SPG11: variants seen among roughly 807,000 people sequenced by gnomAD.
SPG11 encodes spatacsin.
A neutral mutation model predicts 274.0 loss-of-function variants in SPG11; 222 were observed. The ratio of observed to expected loss-of-function variants is 0.81; its 90% confidence interval spans 0.73 to 0.91. The LOEUF is 0.91. Ranked by LOEUF, SPG11 falls within the 40% of genes least tolerant of loss-of-function variation. The pLI, the probability that SPG11 is intolerant of heterozygous loss-of-function variation, is 0.00. For missense variants in SPG11, 3,114 were observed against 2,872.7 expected (o/e 1.08, Z -1.92); for synonymous variants, 1,144 against 1,039.7 (o/e 1.10, Z -1.93).
intron 28 of SPG11, among the ~76,000 whole-genome samples, chr15:44,587,120 G>C (rs1444355014): frequency 6.6e-6 from 1 of 152,164 alleles, no homozygotes; most frequent in Non-Finnish European, 1.5e-5. Context: ...GATCGCTTGA[G>C]GCCAGGAGTT....
intron 32 of SPG11, 50 bp downstream of exon 32, chr15:44,573,490 CACTGGGA>C: frequency 6.3e-7 from 1 of 1,582,644 alleles, no homozygotes; most frequent in Non-Finnish European, 8.7e-7. Context: ...AAATCCTTAA[CACTGGGA>C]ACTAGAGAAT....
chr15:44,652,084 T>C (rs2084798946), intron 5 of SPG11, 45 bp downstream of exon 5: 8 of 1,611,558 alleles, frequency 5.0e-6, no homozygotes, highest in Non-Finnish European at 6.8e-6. Flanking sequence ...GTCAGCATGA[T>C]AAAAAATAAG....
At position 44,660,475 on chromosome 15, in the gene SPG11, A is replaced by G. The variant is rs2141129858; in HGVS notation, c.399T>C (p.Cys133=). 1 of 1,614,116 alleles carries G rather than the reference A, an allele frequency of 6.2e-7. No homozygotes were observed. Among genetic ancestry groups the G allele is most frequent in the Non-Finnish European group, 8.5e-7 (1 of 1,179,980 alleles). Residue 133 remains cysteine (C), a synonymous_variant, in exon 2 of 40, where the codon TGT becomes TGC. Transcript: ENST00000261866. ...GRCDATILYS[C]SREALQKLID... is the part of the protein sequence containing the mutation. ...TGAGCTTTTGCAATGCCTCCCTACT[A>G]CAGCTATACAAAATGGTTGCATCAC...
chr15:44,611,576 A>T (rs1270197170), intron 17 of SPG11, among the ~76,000 whole-genome samples: 1 of 152,184 alleles, frequency 6.6e-6, no homozygotes, highest in Admixed American at 6.5e-5. Flanking sequence ...CTACAGCAAG[A>T]ACCTTAAACA....
intron 13 of SPG11, 40 bp downstream of exon 13, chr15:44,622,180 C>A: frequency 1.9e-6 from 3 of 1,588,660 alleles, no homozygotes; most frequent in South Asian, 1.1e-5. Context: ...TACTATCTAA[C>A]GGTATTCTAA....
Position 44,569,429 on chromosome 15 carries a change from A to T in SPG11, c.6554T>A (p.Phe2185Tyr). 6 of 1,606,580 alleles carry T rather than the reference A, an allele frequency of 3.7e-6. No individual in the cohort carries two copies. The highest frequency in any genetic ancestry group is 5.1e-6 in the Non-Finnish European group (6 of 1,175,878). ...CAACTTCTTCCTCATTAGCACTTCA[A>T]AGTAGTGCTTTTTATGCAGCAAATC... ...IFDLLHKKHY[F>Y]EVLMRKKLDP... The change falls in exon 35 of 40, where the codon TTT becomes TAT. Residue 2185 changes from phenylalanine (F) to tyrosine (Y), a missense_variant. Phe to Tyr is a conservative substitution (Grantham distance 22, BLOSUM62 3). Transcript: ENST00000261866.
intron 30 of SPG11, among the ~76,000 whole-genome samples, chr15:44,582,166 G>A (rs984858623): frequency 6.6e-6 from 1 of 152,128 alleles, no homozygotes; most frequent in Non-Finnish European, 1.5e-5. Context: ...AATAACACCA[G>A]TTCTACACAA....
Position 44,626,350 on chromosome 15 carries a change from G to C in SPG11, c.2225C>G (p.Ser742Cys). The change falls in exon 11 of 40, where the codon TCT (serine) becomes TGT (cysteine). Residue 742 changes from serine to cysteine, a missense_variant. Physicochemically the swap from Ser to Cys is moderately radical, Grantham distance 112. Transcript: ENST00000261866. ...ACTCACCATATTCTTCAAAAGTTCA[G>C]AGGCTTCCTTTATATTGTTCTTTTT... Reference protein sequence around the residue: ...NLKKNNIKEASELLKNMGFDV... With the variant: ...NLKKNNIKEACELLKNMGFDV... 1 of 1,612,464 alleles carries C rather than the reference G, an allele frequency of 6.2e-7. No individual in the cohort carries two copies. The highest frequency in any genetic ancestry group is 8.5e-7 in the Non-Finnish European group (1 of 1,179,706).
intron 39 of SPG11, 37 bp from the exon 40 acceptor site, chr15:44,563,338 GTT>G (rs769091254): frequency 1.3e-6 from 2 of 1,586,646 alleles, no homozygotes; most frequent in Non-Finnish European, 1.7e-6. Context: ...TTAAGATACT[GTT>G]TTTTGTTTTG....
At chr15:44,610,770 T>C (rs2083439437) in intron 18 of SPG11, 70 bp downstream of exon 18, 2 of 1,358,024 alleles carry the variant, frequency 1.5e-6, no homozygotes, top group Non-Finnish European at 2.1e-6. Context: ...AGCTGAGATC[T>C]AGACAATCCA....
At chr15:44,606,371 T>C (rs983404148) in intron 19 of SPG11, among the ~76,000 whole-genome samples, 1 of 152,092 alleles carries the variant, frequency 6.6e-6, no homozygotes, top group African/African-American at 2.4e-5. Context: ...AGAGGGAGCA[T>C]CAACTATAAA....
Position 44,574,897 on chromosome 15 carries a change from C to T in SPG11, c.6006+5G>A, listed in dbSNP as rs1055533623. 5 of 1,613,716 alleles carry T rather than the reference C, an allele frequency of 3.1e-6. No homozygotes were observed. The highest frequency in any genetic ancestry group is 1.3e-5 in the African/African-American group (1 of 74,936). On this transcript the variant is annotated splice_donor_5th_base_variant and intron_variant, in intron 31 of 39. Coordinates refer to ENST00000261866, the MANE Select transcript of SPG11 (RefSeq NM_025137.4). ...GAAAGAGGAGCCCCACCCCTTGGCA[C>T]ATACCTTGGCAAGATCATACAGACA...
chr15:44,581,620 G>C (rs1202659019), intron 30 of SPG11, among the ~76,000 whole-genome samples: 1 of 151,206 alleles, frequency 6.6e-6, no homozygotes, highest in Non-Finnish European at 1.5e-5. Flanking sequence ...AAGGCTGGGC[G>C]TGGTGGCTCA....
chr15:44,628,476 C>T (rs987851828), intron 10 of SPG11, among the ~76,000 whole-genome samples, 193 bp downstream of exon 10: 2 of 152,088 alleles, frequency 1.3e-5, no homozygotes, highest in Non-Finnish European at 2.9e-5. Flanking sequence ...ACCCTTATAG[C>T]GAATTAAATA....
At chr15:44,595,971 C>G (rs1242365072) in intron 25 of SPG11, 112 bp downstream of exon 25, 2 of 1,410,782 alleles carry the variant, frequency 1.4e-6, no homozygotes, top group East Asian at 4.7e-5. Context: ...GAAACACATG[C>G]TGGAACCTCA....
chr15:44,635,754 T>C (rs1230527733), intron 7 of SPG11, among the ~76,000 whole-genome samples: 1 of 147,226 alleles, frequency 6.8e-6, no homozygotes, highest in Non-Finnish European at 1.5e-5. Flanking sequence ...CTGTCTTTAC[T>C]AAAAATACAA....
chr15:44,652,858 T>C (rs775283086), intron 4 of SPG11, among the ~76,000 whole-genome samples: 3 of 152,090 alleles, frequency 2.0e-5, no homozygotes, highest in African/African-American at 2.4e-5. Context: ...TTTTACTATA[T>C]ATTGGCCAAG....
At chr15:44,583,129 A>C (rs933788898) in intron 30 of SPG11, among the ~76,000 whole-genome samples, 1 of 152,250 alleles carries the variant, frequency 6.6e-6, no homozygotes, top group Non-Finnish European at 1.5e-5. Context: ...TGAGGAATCT[A>C]CAAGAAATCT....
At chr15:44,574,865 C>A (rs1263887895) in intron 31 of SPG11, 37 bp downstream of exon 31, 18 of 1,612,718 alleles carry the variant, frequency 1.1e-5, no homozygotes, top group Admixed American at 1.0e-4. Context: ...CATTTCCCTC[C>A]CTCTCAGAAA....
Sources: gnomAD v4.1 joint callset for allele counts (sites outside exome capture counted in the v4.1 genomes callset) on GRCh38, gnomAD v4.1.1 for gene constraint, MANE v1.5 for transcripts, NCBI Gene and HGNC (gene_info 2026-07-23, HGNC 2026-07-21) for gene names.